Variants in FBRS observed in about 807,000 individuals in gnomAD.
FBRS encodes the protein probable fibrosin-1.
Under a neutral mutation model 86.1 loss-of-function variants are expected in FBRS, and 15 were observed. The ratio of observed to expected loss-of-function variants is 0.17; its 90% CI spans 0.12 to 0.27. FBRS has a LOEUF of 0.27. Ranked by LOEUF, FBRS falls within the 10% of genes least tolerant of loss-of-function variation. The pLI is 1.00. For synonymous variants in FBRS, 666 were observed against 575.8 expected (o/e 1.16, Z -2.24); for missense variants, 1,367 against 1,301.6 (o/e 1.05, Z -0.77).
chr16:30,661,426 T>G, intron 4 of FBRS, 93 bp downstream of exon 4: 1 of 1,546,436 alleles, frequency 6.5e-7, no homozygotes, highest in Non-Finnish European at 8.7e-7. Flanking sequence ...CAGCCTTCCC[T>G]TGAGTGAGAA....
rs1459555393 is a variant in FBRS, at chr16:30,668,917, C to G, written c.2304C>G (p.Gly768=). The G allele has an allele frequency of 6.3e-7, 1 of 1,591,022 alleles. No individual in the cohort carries two copies. The highest frequency in any genetic ancestry group is 8.5e-7 in the Non-Finnish European group (1 of 1,171,578). The change falls in exon 17 of 18, where the codon GGC becomes GGG. Residue 768 remains glycine (G), a synonymous_variant. Coordinates refer to ENST00000356166, the MANE Select transcript of FBRS (RefSeq NM_001105079.3). ...VRPPEAARTP[G]SDKERPVERR... is the part of the protein sequence containing the mutation. ...CCCCTGAGGCCGCCCGGACTCCAGG[C>G]TCAGACAAGGAGCGGCCTGTGGAGC... is the stretch of plus-strand genomic sequence containing the variant.
At position 30,670,126 on chromosome 16, in the gene FBRS, G is replaced by A. The variant is rs1172227230; in HGVS notation, c.*481G>A. ...CTTTCACATAGCCCCAAGACCTTTT[G>A]TACATTTTTACAGGGGTGCCCCTCC... On this transcript the variant is annotated 3_prime_UTR_variant, in exon 18 of 18. Transcript: ENST00000356166. The A allele has an allele frequency of 2.2e-6, 1 of 461,554 alleles. No homozygotes were observed. The highest frequency in any genetic ancestry group is 2.0e-5 in the African/African-American group (1 of 50,200). 28.6% of individuals were successfully genotyped at this position (461,554 alleles called of 1,614,324 possible).
At chr16:30,662,995 G>A in intron 6 of FBRS, 136 bp downstream of exon 6, 1 of 1,317,868 alleles carries the variant, frequency 7.6e-7, no homozygotes, top group Non-Finnish European at 9.7e-7. Flanking sequence ...CAAATGGAAA[G>A]AGATGACTGC....
chr16:30,669,270 C>T lies in FBRS; in HGVS notation c.2568C>T (p.His856=). ...CAGCCACTGGGCCCCAGGGCCTTCA[C>T]CTGCTGTTTGAGAGGCCCCGGCCGC... is the stretch of plus-strand genomic sequence containing the variant. ...AAAATGPQGL[H]LLFERPRPPP... The change falls in exon 18 of 18, where the codon CAC becomes CAT. Residue 856 remains histidine, a synonymous_variant. Coordinates refer to ENST00000356166, the MANE Select transcript of FBRS (RefSeq NM_001105079.3). This position sits in a 1 kb window ranked among gnomAD's most constrained non-coding sequence, Gnocchi z 5.9. 6.4e-7 allele frequency: 1 copy of T among 1,566,398 alleles called. No individual in the cohort carries two copies. Among genetic ancestry groups the T allele is most frequent in the Non-Finnish European group, 8.6e-7 (1 of 1,156,418 alleles).
chr16:30,669,243 A>C lies in FBRS; in HGVS notation c.2541A>C (p.Ala847=). The part of the protein sequence containing the change: ...AAAAAAAAAA[A]AATGPQGLHL... ...CTGCCGCCGCCGCTGCCGCCGCCGC[A>C]GCAGCCACTGGGCCCCAGGGCCTTC... The change falls in exon 18 of 18, where the codon GCA becomes GCC. Residue 847 remains alanine (A), a synonymous_variant. Coordinates refer to ENST00000356166, the MANE Select transcript of FBRS (RefSeq NM_001105079.3). The surrounding 1 kb of genome is among the most constrained non-coding windows in gnomAD (Gnocchi z 5.9). The C allele has an allele frequency of 2.6e-6, 4 of 1,553,026 alleles. No individual in the cohort carries two copies. The highest frequency in any genetic ancestry group is 3.5e-6 in the Non-Finnish European group (4 of 1,148,558).
rs958832693 is a variant in FBRS at position 30,658,920 on chromosome 16, A to G, written c.-599A>G. ...TTTTCTTTACGTCCTCCTCCCCCACACACAAGAAGTCTTTTAAATTCAACT... is the reference window on the plus strand; with the variant it reads ...TTTTCTTTACGTCCTCCTCCCCCACGCACAAGAAGTCTTTTAAATTCAACT... On this transcript the variant is annotated 5_prime_UTR_variant, in exon 1 of 18. Transcript: ENST00000356166. 2.0e-5 allele frequency: 3 copies of G among 152,198 alleles called. No individual in the cohort carries two copies. Among genetic ancestry groups the G allele is most frequent in the South Asian group, 2.1e-4 (1 of 4,826 alleles). 9.4% of individuals were successfully genotyped at this position (152,198 alleles called of 1,614,324 possible).
rs2052513453 is a variant in FBRS, at chr16:30,665,591, G to A, written c.1705-47G>A. On this transcript the variant is annotated intron_variant, in intron 10 of 17. Transcript: ENST00000356166. The surrounding 1 kb of genome is among the most constrained non-coding windows in gnomAD (Gnocchi z 4.1). ...CCAGCTTGGTTCTGGATCCCTTTGT[G>A]CTTGGTGCCAGCTCTCCTGTCTGAT... The A allele has an allele frequency of 6.5e-7, 1 of 1,550,272 alleles. No homozygotes were observed. Among genetic ancestry groups the A allele is most frequent in the African/African-American group, 1.4e-5 (1 of 73,182 alleles).
In FBRS at chr16:30,668,941, G is replaced by A. The variant is rs371959874; in HGVS notation, c.2328G>A (p.Glu776=). ...TPGSDKERPV[E]RREPSITKEE... is the part of the protein sequence containing the mutation. ...GCTCAGACAAGGAGCGGCCTGTGGAGCGGAGGGAGCCCTCCATCACCAAGG... is the reference window on the plus strand; with the variant it reads ...GCTCAGACAAGGAGCGGCCTGTGGAACGGAGGGAGCCCTCCATCACCAAGG... Residue 776 remains glutamate, a synonymous_variant, in exon 17 of 18, where the codon GAG becomes GAA. Coordinates refer to ENST00000356166, the MANE Select transcript of FBRS (RefSeq NM_001105079.3). 1.7e-4 allele frequency: 273 copies of A among 1,588,284 alleles called. 1 individual carries two copies. The highest frequency in any genetic ancestry group is 8.8e-4 in the Middle Eastern group (5 of 5,690).
intron 15 of FBRS, chr16:30,667,909 C>T (rs1208719396): frequency 2.6e-6 from 1 of 378,828 alleles, no homozygotes; most frequent in African/African-American, 2.1e-5. Context: ...CCATGCTGGC[C>T]CAGGGGAGAG....
chr16:30,664,661 C>G, intron 7 of FBRS, 54 bp from the exon 8 acceptor site: 1 of 1,461,128 alleles, frequency 6.8e-7, no homozygotes, highest in South Asian at 1.4e-5. Context: ...CACCTGGGCC[C>G]AAGGAGGCTG....
chr16:30,668,438 A>T (rs913146307), intron 15 of FBRS, 122 bp from the exon 16 acceptor site: 1 of 817,096 alleles, frequency 1.2e-6, no homozygotes, highest in Non-Finnish European at 2.0e-6. Flanking sequence ...TGCTCAGCAC[A>T]TGGCTGCTGA....
chr16:30,666,775 A>C, intron 12 of FBRS, 144 bp from the exon 13 acceptor site: 1 of 1,126,762 alleles, frequency 8.9e-7, no homozygotes, highest in African/African-American at 1.5e-5. Flanking sequence ...TAGGCTGTAA[A>C]ATGAACCTAG....
At chr16:30,663,359 T>G (rs967202009) in intron 6 of FBRS, among the ~76,000 whole-genome samples, 1 of 152,200 alleles carries the variant, frequency 6.6e-6, no homozygotes, top group Admixed American at 6.5e-5. Context: ...TCCCAAAGTG[T>G]GTACATTCAG....
chr16:30,660,176 A>AG, intron 1 of FBRS, 87 bp from the exon 2 acceptor site: 1 of 1,412,214 alleles, frequency 7.1e-7, no homozygotes. Context: ...TCCCGGCCCG[A>AG]GGGGTACTTC....
Position 30,665,768 on chromosome 16 carries a change from G to T in FBRS, c.1773+62G>T. On this transcript the variant is annotated intron_variant, in intron 11 of 17. Coordinates refer to ENST00000356166, the MANE Select transcript of FBRS (RefSeq NM_001105079.3). This position sits in a 1 kb window ranked among gnomAD's most constrained non-coding sequence, Gnocchi z 4.1. ...GGTGTGTTGCGGGGAGAACAGAACT[G>T]ACTTGAGGAGAGTGAACTGCTGATT... 1.4e-6 allele frequency: 2 copies of T among 1,479,714 alleles called. No individual in the cohort carries two copies. The highest frequency in any genetic ancestry group is 2.0e-5 in the Admixed American group (1 of 49,934). The allele number at this position is 1,479,714 out of a possible 1,614,324, so 91.7% of individuals were successfully genotyped here.
chr16:30,660,338 T>C lies in FBRS; in HGVS notation c.535T>C (p.Ser179Pro). ...TTCTGGGAAGCGGAAAAGGGGGGGC[T>C]CCAGTGGGGCCACCGGGGAGCCAGG... ...KHSGKRKRGG[S>P]SGATGEPGDS... The change falls in exon 2 of 18, where the codon TCC becomes CCC. Residue 179 changes from serine (S) to proline (P), a missense_variant. Physicochemically the swap from Ser to Pro is moderately conservative, Grantham distance 74 (BLOSUM62 -1). Transcript: ENST00000356166. 3 of 1,298,636 alleles carry C rather than the reference T, an allele frequency of 2.3e-6. No individual in the cohort carries two copies. Among genetic ancestry groups the C allele is most frequent in the Non-Finnish European group, 3.0e-6 (3 of 1,014,274 alleles). 80.4% of individuals were successfully genotyped at this position (1,298,636 alleles called of 1,614,324 possible). A position where few individuals can be genotyped will look rare whatever the true frequency, so the allele number is the denominator to read the frequency against.
In FBRS at chr16:30,664,358, T is replaced by A; in HGVS notation, c.1199T>A (p.Leu400Gln). 1 of 1,524,178 alleles carries A rather than the reference T, an allele frequency of 6.6e-7. No homozygotes were observed. The highest frequency in any genetic ancestry group is 8.8e-7 in the Non-Finnish European group (1 of 1,131,614). The allele number at this position is 1,524,178 out of a possible 1,614,324, so 94.4% of individuals were successfully genotyped here. A position where few individuals can be genotyped will look rare whatever the true frequency, so the allele number is the denominator to read the frequency against. The change falls in exon 7 of 18, where the codon CTG becomes CAG. Residue 400 changes from leucine (L) to glutamine (Q), a missense_variant. By Grantham distance (113) the Leu-to-Gln change is moderately radical (BLOSUM62 -2). Around this residue, in one of 3 missense-constraint regions of FBRS, gnomAD observed 702 missense variants for 598.7 expected, o/e 1.17. Transcript: ENST00000356166. ...THRPPTPSLP[L>Q]PLSTHSFPPP... ...CGGCCCCCGACGCCCTCACTGCCCC[T>A]GCCTTTGTCCACCCACAGCTTTCCC...
chr16:30,668,963 AAGG>A lies in FBRS; in HGVS notation c.2356_2358del (p.Glu786del). ...GGAGCGGAGGGAGCCCTCCATCACCAAGGAGGAGAAGGACAGGTGTGCCTCCCA... is the reference window on the plus strand; with the variant it reads ...GGAGCGGAGGGAGCCCTCCATCACCAAGGAGAAGGACAGGTGTGCCTCCCA... On this transcript the variant is annotated inframe_deletion, in exon 17 of 18. Coordinates refer to ENST00000356166, the MANE Select transcript of FBRS (RefSeq NM_001105079.3). The A allele has an allele frequency of 1.3e-6, 2 of 1,580,796 alleles. No homozygotes were observed. The highest frequency in any genetic ancestry group is 8.6e-7 in the Non-Finnish European group (1 of 1,165,794).
chr16:30,668,782 C>T lies in FBRS; in HGVS notation c.2169C>T (p.Ala723=), dbSNP rs1447552612. The T allele has an allele frequency of 3.7e-6, 6 of 1,600,128 alleles. No individual in the cohort carries two copies. Among genetic ancestry groups the T allele is most frequent in the Middle Eastern group, 1.7e-4 (1 of 6,048 alleles). The change falls in exon 17 of 18, where the codon GCC becomes GCT. Residue 723 remains alanine (A), a synonymous_variant. Transcript: ENST00000356166. ...TCACCCTCTGCCCAGACTCCGGCGC[C>T]GTCTTTGCCCAGAAAGAAAGCCCAG... is the stretch of plus-strand genomic sequence containing the variant. ...GLGSPTFNSG[A]VFAQKESPGA... is the part of the protein sequence containing the mutation.
Sources: allele counts gnomAD v4.1 joint callset (sites outside exome capture counted in the v4.1 genomes callset), GRCh38; gene constraint gnomAD v4.1.1; regional missense constraint gnomAD v4.1.1; non-coding constraint Gnocchi (gnomAD v3.1); transcripts MANE v1.5; gene names NCBI Gene and HGNC (gene_info 2026-07-23, HGNC 2026-07-21).